The following CUX2 variants were observed in gnomAD, a reference collection of about 807,000 sequenced individuals.
CUX2 encodes the protein homeobox protein cut-like 2.
In CUX2, 40 loss-of-function variants were observed where a neutral mutation model predicts 144.8. That is an observed-to-expected ratio of 0.28 (90% CI 0.21 to 0.36). CUX2 has a LOEUF of 0.36. CUX2 is among the 10% of genes least tolerant of loss of function. CUX2 has a pLI of 1.00. For missense variants in CUX2, 1,615 were observed against 1,994.0 expected (o/e 0.81, Z 3.62); for synonymous variants, 827 against 875.6 (o/e 0.94, Z 0.98).
intron 1 of CUX2, among the ~76,000 whole-genome samples, chr12:111,184,297 A>G (rs1460834472): frequency 6.6e-6 from 1 of 152,158 alleles, no homozygotes; most frequent in East Asian, 1.9e-4. Context: ...AGTATCCATG[A>G]GTCGGGGATT....
At chr12:111,261,762 G>A (rs1002910123) in intron 3 of CUX2, among the ~76,000 whole-genome samples, 1 of 152,130 alleles carries the variant, frequency 6.6e-6, no homozygotes, top group South Asian at 2.1e-4. Flanking sequence ...AATTAGCCAG[G>A]TATGGTGGCG....
chr12:111,121,369 C>CTTTTTTTTTTTTTTTTTTTTTTTTTTTT (rs5800920), intron 1 of CUX2, among the ~76,000 whole-genome samples: 3 of 59,040 alleles, frequency 5.1e-5, no homozygotes, highest in Non-Finnish European at 6.5e-5. Context: ...TTTCTTTTTT[C>CTTTTTTTTTTTTTTTTTTTTTTTTTTTT]TTTTTTTTTT....
intron 3 of CUX2, among the ~76,000 whole-genome samples, chr12:111,257,401 TC>T (rs1883878055): frequency 3.2e-5 from 1 of 31,106 alleles, no homozygotes; most frequent in Non-Finnish European, 5.6e-5. Context: ...CACTTCTTCC[TC>T]CCCCTCCCAC....
chr12:111,168,356 T>C (rs1878289864), intron 1 of CUX2, among the ~76,000 whole-genome samples: 1 of 152,216 alleles, frequency 6.6e-6, no homozygotes, highest in Non-Finnish European at 1.5e-5. Context: ...TCTCTGCCTG[T>C]CACCTGTCCC....
At chr12:111,083,769 G>A (rs1425011676) in intron 1 of CUX2, among the ~76,000 whole-genome samples, 5 of 152,108 alleles carry the variant, frequency 3.3e-5, no homozygotes, top group African/African-American at 1.2e-4. Context: ...GGGAAGCACG[G>A]GAGTTTGTAG....
chr12:111,198,304 C>T (rs1048185881), intron 1 of CUX2, among the ~76,000 whole-genome samples: 1 of 151,968 alleles, frequency 6.6e-6, no homozygotes, highest in Non-Finnish European at 1.5e-5. Flanking sequence ...GGCAAAACCC[C>T]ATCTCTACTG....
At position 111,190,496 on chromosome 12, in the gene CUX2, C is replaced by A. The variant is rs372199131; in HGVS notation, c.64-23704C>A. Among the ~76,000 whole-genome samples the A allele has an allele frequency of 1.2e-4, 18 of 152,332 alleles. No individual in the cohort carries two copies. Among genetic ancestry groups the A allele is most frequent in the African/African-American group, 3.4e-4 (14 of 41,570 alleles). Reference sequence around the variant, plus strand: ...CCTCCACCTAGCCTGGCCCCACTATCTAAGCTGCTCAAGCCAGGGTGTCCA... The same window carrying A: ...CCTCCACCTAGCCTGGCCCCACTATATAAGCTGCTCAAGCCAGGGTGTCCA... On this transcript the variant is annotated intron_variant, in intron 1 of 21. Transcript: ENST00000261726. The surrounding 1 kb of genome is among the most constrained non-coding windows in gnomAD (Gnocchi z 4.0).
chr12:111,184,879 C>T (rs532905582), intron 1 of CUX2, among the ~76,000 whole-genome samples: 1 of 152,176 alleles, frequency 6.6e-6, no homozygotes, highest in East Asian at 1.9e-4. Context: ...CCGGCTAACA[C>T]AGTGAAACCC....
intron 1 of CUX2, among the ~76,000 whole-genome samples, chr12:111,150,754 G>T (rs1410258950): frequency 6.6e-6 from 1 of 152,014 alleles, no homozygotes; most frequent in African/African-American, 2.4e-5. Flanking sequence ...AAAAGCCTCG[G>T]GGGGTGGGAG....
intron 1 of CUX2, chr12:111,099,846 A>G (rs1873098439): frequency 2.4e-6 from 1 of 419,986 alleles, no homozygotes; most frequent in Non-Finnish European, 4.8e-6. Flanking sequence ...GGCAGCTAGG[A>G]GGCGAGGGAC....
intron 1 of CUX2, among the ~76,000 whole-genome samples, chr12:111,119,211 T>C (rs930298622): frequency 6.6e-6 from 1 of 152,210 alleles, no homozygotes; most frequent in Non-Finnish European, 1.5e-5. Context: ...AAAGTAGCCA[T>C]AGACAATCTG....
chr12:111,088,759 C>T (rs982991753), intron 1 of CUX2, among the ~76,000 whole-genome samples: 5 of 152,164 alleles, frequency 3.3e-5, no homozygotes, highest in South Asian at 2.1e-4. Flanking sequence ...TTCCTCTAGA[C>T]GTGCAACTCT....
At chr12:111,203,093 G>A (rs896841203) in intron 1 of CUX2, among the ~76,000 whole-genome samples, 3 of 152,040 alleles carry the variant, frequency 2.0e-5, no homozygotes, top group South Asian at 2.1e-4. Context: ...TTCGCTGGGC[G>A]TGGTGGCACA....
intron 2 of CUX2, among the ~76,000 whole-genome samples, chr12:111,216,383 A>G (rs1881530858): frequency 1.3e-5 from 2 of 152,220 alleles, no homozygotes; most frequent in South Asian, 4.1e-4. Context: ...TTTCCTGAAC[A>G]TGGACCAGAG....
chr12:111,310,261 C>A lies in CUX2; in HGVS notation c.1479C>A (p.Pro493=). 1.3e-6 allele frequency: 2 copies of A among 1,510,842 alleles called. No individual in the cohort carries two copies. Among genetic ancestry groups the A allele is most frequent in the South Asian group, 2.7e-5 (2 of 74,714 alleles). 93.6% of individuals were successfully genotyped at this position (1,510,842 alleles called of 1,614,324 possible). A position where few individuals can be genotyped will look rare whatever the true frequency, so the allele number is the denominator to read the frequency against. Residue 493 remains proline, a synonymous_variant, in exon 15 of 22, where the codon CCC becomes CCA. Coordinates refer to ENST00000261726, the MANE Select transcript of CUX2 (RefSeq NM_015267.4). The surrounding 1 kb of genome is among the most constrained non-coding windows in gnomAD (Gnocchi z 7.9). ...CATCAGGGGAGAGACTGATGATGCC[C>A]CCAGCCGCCTTCAAGGGAGAGGCGG... ...SLASGERLMM[P]PAAFKGEAGG...
intron 18 of CUX2, among the ~76,000 whole-genome samples, chr12:111,324,154 G>A (rs996515240): frequency 6.6e-6 from 1 of 152,022 alleles, no homozygotes; most frequent in Non-Finnish European, 1.5e-5. Context: ...TTCGAGACCA[G>A]TCTGGCCAAC....
chr12:111,092,009 T>C (rs2136055726), intron 1 of CUX2, among the ~76,000 whole-genome samples: 1 of 152,374 alleles, frequency 6.6e-6, no homozygotes, highest in East Asian at 1.9e-4. Flanking sequence ...CATGAGCCAC[T>C]GCACCCAGCC....
At chr12:111,170,870 G>A (rs943037859) in intron 1 of CUX2, among the ~76,000 whole-genome samples, 1 of 152,100 alleles carries the variant, frequency 6.6e-6, no homozygotes, top group Non-Finnish European at 1.5e-5. Flanking sequence ...GGAAGGCCGA[G>A]GTGGAGGGAA....
intron 4 of CUX2, among the ~76,000 whole-genome samples, chr12:111,274,545 C>A (rs1012183620): frequency 2.0e-5 from 3 of 152,184 alleles, no homozygotes; most frequent in African/African-American, 7.2e-5. Context: ...GCCCTCTGTC[C>A]CTGTCCAAGC....
Sources: allele counts gnomAD v4.1 joint callset (sites outside exome capture counted in the v4.1 genomes callset), GRCh38; gene constraint gnomAD v4.1.1; non-coding constraint Gnocchi (gnomAD v3.1); transcripts MANE v1.5; gene names NCBI Gene and HGNC (gene_info 2026-07-23, HGNC 2026-07-21).